RBFOX1: variants seen among roughly 807,000 people sequenced by gnomAD.
The protein encoded by RBFOX1 is RNA binding fox-1 homolog 1, also known as RNA binding protein fox-1 homolog 1.
Under a neutral mutation model 57.7 loss-of-function variants are expected in RBFOX1, and 8 were observed. The observed-to-expected ratio is 0.14, with a 90% CI of 0.08 to 0.25. The LOEUF is 0.25. Among genes scored for constraint, RBFOX1 ranks in the 10% least tolerant of loss-of-function variants. The probability of loss-of-function intolerance (pLI) is 1.00; values close to 1 mark genes in which losing one functional copy is unlikely to be tolerated. For synonymous variants in RBFOX1, 326 were observed against 222.4 expected (o/e 1.47, Z -4.15); for missense variants, 611 against 548.5 (o/e 1.11, Z -1.14).
intron 3 of RBFOX1, among the ~76,000 whole-genome samples, chr16:5,716,033 A>G (rs2051685911): frequency 6.6e-6 from 1 of 152,238 alleles, no homozygotes; most frequent in African/African-American, 2.4e-5. Flanking sequence ...GGCAGGAATA[A>G]GGATAATATT....
At chr16:7,242,370 C>T (rs1211271754) in intron 4 of RBFOX1, among the ~76,000 whole-genome samples, 3 of 152,132 alleles carry the variant, frequency 2.0e-5, no homozygotes, top group African/African-American at 4.8e-5. Context: ...CAGGTTGTGC[C>T]ACATGACAGC....
At chr16:6,635,884 GGATTTCA>G (rs1270728648) in intron 2 of RBFOX1, among the ~76,000 whole-genome samples, 20 of 152,038 alleles carry the variant, frequency 1.3e-4, no homozygotes, top group African/African-American at 4.8e-4. Flanking sequence ...GAGGTATTTT[GGATTTCA>G]GATTTCTTTT....
chr16:5,949,131 G>A lies in RBFOX1; in HGVS notation c.351+81796G>A, dbSNP rs181140565. ...AGAGTCTGTATCTACTAAGAGCAAG[G>A]GTATTCTCCCATATAACCAGCATAC... On this transcript the variant is annotated intron_variant, in intron 4 of 19. Transcript: ENST00000641259. 9.2e-5 allele frequency among the ~76,000 whole-genome samples: 14 copies of A among 151,990 alleles called. No homozygotes were observed. In the East Asian group the frequency reaches 2.7e-3, roughly 30 times the overall value.
In RBFOX1 at chr16:7,630,644, A is replaced by C. The variant is rs368304119; in HGVS notation, c.718A>C (p.Met240Leu). The change falls in exon 11 of 16, where the codon ATG (methionine) becomes CTG (leucine). Residue 240 changes from methionine to leucine, a missense_variant. By Grantham distance (15) the Met-to-Leu change is conservative. This residue lies in a region of RBFOX1 where 267 missense variants were observed against 229.1 expected (regional missense o/e 1.17). Coordinates refer to ENST00000550418, the MANE Select transcript of RBFOX1 (RefSeq NM_018723.4). ...CCAGGCCAACCAGGAGGGATCTTCC[A>C]TGTACAGTGCCCCCAGTTCACTTGT... ...LCQANQEGSS[M>L]YSAPSSLVYT... The C allele has an allele frequency of 5.0e-5, 81 of 1,614,008 alleles. No homozygotes were observed. Among genetic ancestry groups the C allele is most frequent in the Non-Finnish European group, 6.6e-5 (78 of 1,180,024 alleles).
At chr16:6,826,522 C>T (rs2092159241) in intron 3 of RBFOX1, among the ~76,000 whole-genome samples, 1 of 152,154 alleles carries the variant, frequency 6.6e-6, no homozygotes, top group Non-Finnish European at 1.5e-5. Context: ...CCATAAGTGG[C>T]AGTGTGGGCA....
chr16:7,029,077 TATATACACACACACACACACAC>T (rs1311162237), intron 3 of RBFOX1, among the ~76,000 whole-genome samples: 4 of 44,590 alleles, frequency 9.0e-5, no homozygotes, highest in African/African-American at 7.8e-4. Context: ...TATATATATA[TATATACACACACACACACACAC>T]ACACACACAC....
intron 1 of RBFOX1, among the ~76,000 whole-genome samples, chr16:6,200,996 A>G (rs981191972): frequency 1.3e-5 from 2 of 150,800 alleles, no homozygotes; most frequent in Non-Finnish European, 2.9e-5. Context: ...TGAAATCCGC[A>G]TTATGCTCAA....
intron 3 of RBFOX1, among the ~76,000 whole-genome samples, chr16:5,761,573 A>G (rs1345586015): frequency 6.6e-6 from 1 of 152,192 alleles, no homozygotes; most frequent in Non-Finnish European, 1.5e-5. Context: ...GAGCTTGTGT[A>G]GGGGAACTCC....
intron 3 of RBFOX1, among the ~76,000 whole-genome samples, chr16:6,886,068 T>TC (rs1439397070): frequency 4.1e-5 from 6 of 144,974 alleles, no homozygotes; most frequent in African/African-American, 1.5e-4. Context: ...TTTTTTTTCT[T>TC]TTTTTTTTTT....
At chr16:6,707,164 G>A (rs1173856391) in intron 3 of RBFOX1, among the ~76,000 whole-genome samples, 1 of 152,070 alleles carries the variant, frequency 6.6e-6, no homozygotes, top group Non-Finnish European at 1.5e-5. Context: ...GAAATTGTAA[G>A]GTGCATACTA....
chr16:6,944,392 TCA>T (rs201301111), intron 3 of RBFOX1, among the ~76,000 whole-genome samples: 3 of 112,140 alleles, frequency 2.7e-5, no homozygotes, highest in Admixed American at 1.1e-4. Flanking sequence ...AGACTCCATC[TCA>T]GAGAAAAAAA....
chr16:5,525,489 C>CTTT (rs1216671998), intron 2 of RBFOX1, among the ~76,000 whole-genome samples: 5 of 99,436 alleles, frequency 5.0e-5, no homozygotes, highest in Non-Finnish European at 5.7e-5. Flanking sequence ...AGAGCCGACA[C>CTTT]TATTTTTTTT....
At chr16:6,169,772 A>T (rs1463356044) in intron 1 of RBFOX1, among the ~76,000 whole-genome samples, 1 of 151,964 alleles carries the variant, frequency 6.6e-6, no homozygotes, top group Non-Finnish European at 1.5e-5. Context: ...AGGTTTTCTT[A>T]TTTATTTATT....
chr16:7,352,427 C>A (rs372851145), intron 4 of RBFOX1, among the ~76,000 whole-genome samples: 1 of 152,124 alleles, frequency 6.6e-6, no homozygotes, highest in South Asian at 2.1e-4. Flanking sequence ...TGTGGGAATG[C>A]GTAGCTATTG....
chr16:6,612,465 TG>T (rs1311538585), intron 2 of RBFOX1, among the ~76,000 whole-genome samples: 7 of 152,228 alleles, frequency 4.6e-5, no homozygotes, highest in African/African-American at 1.7e-4. Flanking sequence ...AAGTTTCACG[TG>T]TACTTACAGC....
chr16:6,912,455 C>G (rs1160551567), intron 3 of RBFOX1, among the ~76,000 whole-genome samples: 1 of 152,092 alleles, frequency 6.6e-6, no homozygotes. Context: ...TTTCAGGATC[C>G]TTTCCAGCCC....
At chr16:7,235,937 C>T (rs992318041) in intron 4 of RBFOX1, among the ~76,000 whole-genome samples, 4 of 152,142 alleles carry the variant, frequency 2.6e-5, no homozygotes, top group Non-Finnish European at 5.9e-5. Context: ...TTAATGACAG[C>T]CAATTTCAAT....
rs184758417 is a variant in RBFOX1 at position 7,700,652 on chromosome 16, G to A, written c.996-8404G>A. ...AAATTTCTAAGAGAAGGATGGCCTT[G>A]AGCTCTGCATTAAAGAGAATGTGCC... On this transcript the variant is annotated intron_variant, in intron 14 of 15. Transcript: ENST00000550418. Among the ~76,000 whole-genome samples the A allele has an allele frequency of 1.2e-4, 19 of 152,326 alleles. No individual in the cohort carries two copies. The East Asian group carries it at 1.9e-3, about 15-fold the overall frequency.
intron 1 of RBFOX1, among the ~76,000 whole-genome samples, chr16:5,368,298 G>A (rs564624841): frequency 6.6e-6 from 1 of 152,230 alleles, no homozygotes; most frequent in South Asian, 2.1e-4. Flanking sequence ...TCTAGGTTTT[G>A]TTCCTGTACA....
Sources: allele counts gnomAD v4.1 joint callset (sites outside exome capture counted in the v4.1 genomes callset), GRCh38; gene constraint gnomAD v4.1.1; regional missense constraint gnomAD v4.1.1; transcripts MANE v1.5; gene names NCBI Gene and HGNC (gene_info 2026-07-23, HGNC 2026-07-21).